The following PPM1L variants were observed in gnomAD, a reference collection of about 807,000 sequenced individuals.
PPM1L encodes protein phosphatase 1L.
A neutral mutation model predicts 31.4 loss-of-function variants in PPM1L; 13 were observed. That is an observed-to-expected ratio of 0.41 (90% CI 0.27 to 0.66). The LOEUF (loss-of-function observed/expected upper bound fraction) is 0.66. Ranked by LOEUF, PPM1L falls within the 30% of genes least tolerant of loss-of-function variation. PPM1L has a pLI of 0.29. For missense variants in PPM1L, 326 were observed against 453.7 expected (o/e 0.72, Z 2.56); for synonymous variants, 184 against 175.4 (o/e 1.05, Z -0.39).
intron 2 of PPM1L, among the ~76,000 whole-genome samples, chr3:161,061,823 A>G (rs1719580366): frequency 6.6e-6 from 1 of 152,190 alleles, no homozygotes; most frequent in Admixed American, 6.5e-5. Flanking sequence ...CACACTCTAA[A>G]TCTCTCATCA....
At chr3:160,956,792 T>G (rs1012189027) in intron 1 of PPM1L, among the ~76,000 whole-genome samples, 2 of 152,248 alleles carry the variant, frequency 1.3e-5, no homozygotes, top group Admixed American at 6.5e-5. Context: ...ACTTTTATTC[T>G]CTATCTGAAA....
At chr3:161,000,871 C>T (rs970660571) in intron 2 of PPM1L, among the ~76,000 whole-genome samples, 2 of 152,174 alleles carry the variant, frequency 1.3e-5, no homozygotes, top group African/African-American at 4.8e-5. Context: ...AAAGATATAT[C>T]TGATTAAAAC....
chr3:160,856,682 TTG>T (rs1349343376), intron 1 of PPM1L, among the ~76,000 whole-genome samples: 4 of 152,030 alleles, frequency 2.6e-5, no homozygotes, highest in African/African-American at 9.7e-5. Context: ...AGGGTGAGGA[TTG>T]AAAAACTGCC....
Position 161,069,054 on chromosome 3 carries a change from G to C in PPM1L, c.980G>C (p.Gly327Ala), listed in dbSNP as rs1162496702. ...GAGCGCTTGGATGAACCTCACTTTG[G>C]GGCCAAGAGCATAGTTTTACAGTCA... ...IKERLDEPHF[G>A]AKSIVLQSFY... The change falls in exon 4 of 4, where the codon GGG becomes GCG. Residue 327 changes from glycine (G) to alanine (A), a missense_variant. By Grantham distance (60) the Gly-to-Ala change is moderately conservative. Coordinates refer to ENST00000498165, the MANE Select transcript of PPM1L (RefSeq NM_139245.4). The C allele has an allele frequency of 1.2e-6, 2 of 1,614,124 alleles. No individual in the cohort carries two copies. Among genetic ancestry groups the C allele is most frequent in the Non-Finnish European group, 1.7e-6 (2 of 1,180,012 alleles).
At chr3:160,825,887 A>G (rs550485910) in intron 1 of PPM1L, among the ~76,000 whole-genome samples, 5 of 152,268 alleles carry the variant, frequency 3.3e-5, no homozygotes, top group Admixed American at 3.3e-4. Context: ...GCCAGCTTCA[A>G]TTATATGAAC....
At chr3:160,940,319 G>A (rs1472212088) in intron 1 of PPM1L, among the ~76,000 whole-genome samples, 1 of 152,218 alleles carries the variant, frequency 6.6e-6, no homozygotes, top group Non-Finnish European at 1.5e-5. Context: ...CAAGCCAGCT[G>A]CAGAAATTTG....
chr3:160,768,666 A>G (rs898305924), intron 1 of PPM1L, among the ~76,000 whole-genome samples: 2 of 152,134 alleles, frequency 1.3e-5, no homozygotes, highest in African/African-American at 4.8e-5. Context: ...TTTGTCTGTT[A>G]TAAGTCTCTG....
At chr3:160,806,342 A>G (rs532929121) in intron 1 of PPM1L, among the ~76,000 whole-genome samples, 142 of 152,258 alleles carry the variant, frequency 9.3e-4, no homozygotes, top group African/African-American at 3.2e-3. Flanking sequence ...TTTCTCTGCC[A>G]GGTTGTGTAA....
intron 1 of PPM1L, among the ~76,000 whole-genome samples, chr3:160,894,361 G>T (rs1713264695): frequency 1.3e-5 from 2 of 152,120 alleles, no homozygotes; most frequent in African/African-American, 4.8e-5. Context: ...GTAACTGTTG[G>T]CTATATTGAT....
intron 2 of PPM1L, among the ~76,000 whole-genome samples, chr3:160,988,869 A>G (rs1717043818): frequency 6.6e-6 from 1 of 152,176 alleles, no homozygotes; most frequent in South Asian, 2.1e-4. Context: ...GGGAATGTCT[A>G]TGATTTCATA....
chr3:161,011,522 A>C (rs1311238639), intron 2 of PPM1L, among the ~76,000 whole-genome samples: 1 of 151,484 alleles, frequency 6.6e-6, no homozygotes, highest in Non-Finnish European at 1.5e-5. Context: ...TTCCATAGGA[A>C]CTTTAAAGTA....
At chr3:160,964,523 G>T (rs1035652430) in intron 2 of PPM1L, among the ~76,000 whole-genome samples, 3 of 152,008 alleles carry the variant, frequency 2.0e-5, no homozygotes, top group African/African-American at 7.2e-5. Flanking sequence ...TGTCTCAGGG[G>T]TGTCAGAGAC....
intron 1 of PPM1L, among the ~76,000 whole-genome samples, chr3:160,852,673 T>A (rs1315745647): frequency 6.6e-6 from 1 of 152,172 alleles, no homozygotes; most frequent in Non-Finnish European, 1.5e-5. Context: ...GCTGGAAGGG[T>A]CAACTTTTCA....
At chr3:160,927,711 C>G (rs1266612903) in intron 1 of PPM1L, among the ~76,000 whole-genome samples, 1 of 152,188 alleles carries the variant, frequency 6.6e-6, no homozygotes, top group Non-Finnish European at 1.5e-5. Context: ...GCCTCTCTCC[C>G]TCTGGTAGCT....
At chr3:160,761,520 TG>T (rs1714967988) in intron 1 of PPM1L, among the ~76,000 whole-genome samples, 1 of 152,228 alleles carries the variant, frequency 6.6e-6, no homozygotes, top group Admixed American at 6.5e-5. Flanking sequence ...TGGGCCATCC[TG>T]GGTTTGTTGG....
At chr3:160,850,369 T>C (rs1276591235) in intron 1 of PPM1L, among the ~76,000 whole-genome samples, 1 of 152,134 alleles carries the variant, frequency 6.6e-6, no homozygotes, top group African/African-American at 2.4e-5. Flanking sequence ...ACTAAGAAGG[T>C]AGCATTCCTA....
chr3:160,944,859 A>ATATATAACATATATGT (rs1715313987), intron 1 of PPM1L, among the ~76,000 whole-genome samples: 3 of 39,926 alleles, frequency 7.5e-5, no homozygotes, highest in African/African-American at 2.5e-4. Flanking sequence ...AACATATATT[A>ATATATAACATATATGT]TATATAATGT....
chr3:160,973,592 G>T (rs1230369551), intron 2 of PPM1L, among the ~76,000 whole-genome samples: 1 of 152,076 alleles, frequency 6.6e-6, no homozygotes, highest in Non-Finnish European at 1.5e-5. Flanking sequence ...TCCATTTGTA[G>T]TAGTGAGAGG....
intron 1 of PPM1L, among the ~76,000 whole-genome samples, chr3:160,893,113 G>C (rs1713212565): frequency 1.3e-5 from 2 of 152,090 alleles, no homozygotes; most frequent in Non-Finnish European, 1.5e-5. Flanking sequence ...AGTAATACTT[G>C]GAAGCAAAAT....
Sources: gnomAD v4.1 joint callset for allele counts (sites outside exome capture counted in the v4.1 genomes callset) on GRCh38, gnomAD v4.1.1 for gene constraint, MANE v1.5 for transcripts, NCBI Gene and HGNC (gene_info 2026-07-23, HGNC 2026-07-21) for gene names.